The following SH3GL3 variants were observed in gnomAD, a reference collection of about 807,000 sequenced individuals.
The protein encoded by SH3GL3 is endophilin-A3.
SH3GL3 carries 33 observed loss-of-function variants against 47.7 expected under a neutral mutation model. That is an observed-to-expected ratio of 0.69 (90% CI 0.52 to 0.92). The LOEUF (loss-of-function observed/expected upper bound fraction) is 0.92, where lower values mean the gene tolerates loss of function less well. Ranked by LOEUF, SH3GL3 falls within the 40% of genes least tolerant of loss-of-function variation. The pLI, the probability that SH3GL3 is intolerant of heterozygous loss-of-function variation, is 0.00. For missense variants in SH3GL3, 363 were observed against 417.8 expected (o/e 0.87, Z 1.14); for synonymous variants, 155 against 148.8 (o/e 1.04, Z -0.30).
intron 1 of SH3GL3, among the ~76,000 whole-genome samples, chr15:83,524,562 A>G (rs1201158487): frequency 1.3e-5 from 2 of 152,080 alleles, no homozygotes; most frequent in Non-Finnish European, 2.9e-5. Context: ...CATACAATAC[A>G]TTGTTGTTAA....
chr15:83,457,630 GAA>G (rs1435570154), intron 1 of SH3GL3, among the ~76,000 whole-genome samples: 4 of 152,174 alleles, frequency 2.6e-5, no homozygotes, highest in Admixed American at 6.5e-5. Context: ...TCATTAGAGA[GAA>G]AGATAAAATG....
Position 83,609,330 on chromosome 15 carries a change from T to C in SH3GL3, c.839-8752T>C, listed in dbSNP as rs186284290. On this transcript the variant is annotated intron_variant, in intron 8 of 8. Coordinates refer to ENST00000427482, the MANE Select transcript of SH3GL3 (RefSeq NM_003027.5). ...CCAAGGGACTGCTTCGGGAAGGCCA[T>C]TGACAGCAGGAAAAAGTGACAGGTC... is the stretch of plus-strand genomic sequence containing the variant. 1.6e-3 allele frequency: 715 copies of C among 455,916 alleles called. 3 individuals are homozygous for C. The highest frequency in any genetic ancestry group is 0.012 in the African/African-American group (620 of 50,130). The allele number at this position is 455,916 out of a possible 1,614,324, so 28.2% of individuals were successfully genotyped here. A position where few individuals can be genotyped will look rare whatever the true frequency, so the allele number is the denominator to read the frequency against.
intron 1 of SH3GL3, among the ~76,000 whole-genome samples, chr15:83,481,268 C>A (rs1487055365): frequency 9.7e-6 from 1 of 103,066 alleles, no homozygotes; most frequent in African/African-American, 4.1e-5. Context: ...GAGAGACATT[C>A]TGTCTCAAAA....
intron 1 of SH3GL3, among the ~76,000 whole-genome samples, chr15:83,500,357 GTGTGTGTTTTGTTGC>G (rs1165701767): frequency 1.3e-5 from 2 of 152,186 alleles, no homozygotes; most frequent in African/African-American, 2.4e-5. Context: ...GCATTTTTAG[GTGTGTGTTTTGTTGC>G]TGCCTCCTTT....
chr15:83,533,683 T>A (rs904024245), intron 1 of SH3GL3, among the ~76,000 whole-genome samples: 3 of 152,086 alleles, frequency 2.0e-5, no homozygotes, highest in Non-Finnish European at 4.4e-5. Flanking sequence ...TGTGCTCCCT[T>A]TGAGTCTCTT....
At chr15:83,568,762 G>A in intron 4 of SH3GL3, 90 bp downstream of exon 4, 1 of 929,834 alleles carries the variant, frequency 1.1e-6, no homozygotes, top group South Asian at 1.8e-5. Flanking sequence ...AACAACCTTT[G>A]TTATTTTTCC....
At chr15:83,528,231 T>C (rs1444393490) in intron 1 of SH3GL3, among the ~76,000 whole-genome samples, 1 of 152,204 alleles carries the variant, frequency 6.6e-6, no homozygotes, top group Non-Finnish European at 1.5e-5. Flanking sequence ...TTTTTAGAAA[T>C]CTCTGTCTAT....
At chr15:83,467,867 A>AC (rs1385017322) in intron 1 of SH3GL3, among the ~76,000 whole-genome samples, 1 of 151,960 alleles carries the variant, frequency 6.6e-6, no homozygotes, top group East Asian at 1.9e-4. Context: ...TCTCTCTGTC[A>AC]CCCAGGCTAG....
At chr15:83,535,755 A>C (rs1403347730) in intron 1 of SH3GL3, among the ~76,000 whole-genome samples, 1 of 152,234 alleles carries the variant, frequency 6.6e-6, no homozygotes, top group Non-Finnish European at 1.5e-5. Flanking sequence ...GTCAGAATCA[A>C]ACTTTTTAAA....
intron 1 of SH3GL3, among the ~76,000 whole-genome samples, chr15:83,531,235 AG>A (rs1415062513): frequency 6.6e-6 from 1 of 152,230 alleles, no homozygotes; most frequent in African/African-American, 2.4e-5. Context: ...CCCTGTCCCC[AG>A]GCATCTCATA....
At chr15:83,578,927 G>C (rs1217173485) in intron 6 of SH3GL3, among the ~76,000 whole-genome samples, 1 of 152,118 alleles carries the variant, frequency 6.6e-6, no homozygotes, top group Non-Finnish European at 1.5e-5. Flanking sequence ...ATTGTGTCTT[G>C]TGTGTCAGAT....
chr15:83,598,792 G>T (rs779646446), intron 8 of SH3GL3, among the ~76,000 whole-genome samples: 1 of 152,204 alleles, frequency 6.6e-6, no homozygotes, highest in Non-Finnish European at 1.5e-5. Context: ...AGAGGCCTCC[G>T]GTTAAAAGTC....
chr15:83,508,135 T>C (rs1952265716), intron 1 of SH3GL3, among the ~76,000 whole-genome samples: 1 of 151,748 alleles, frequency 6.6e-6, no homozygotes, highest in Non-Finnish European at 1.5e-5. Context: ...AGAGACGGGG[T>C]TTCACCATGT....
At chr15:83,526,795 A>G (rs2043438688) in intron 1 of SH3GL3, among the ~76,000 whole-genome samples, 1 of 152,170 alleles carries the variant, frequency 6.6e-6, no homozygotes, top group Non-Finnish European at 1.5e-5. Flanking sequence ...AAACCTGCAC[A>G]TGTACCCCTG....
intron 1 of SH3GL3, among the ~76,000 whole-genome samples, chr15:83,531,048 C>A (rs77552769): frequency 0.032 from 4,849 of 152,222 alleles, 97 homozygotes; most frequent in Non-Finnish European, 0.045. Flanking sequence ...AGAAAAGTGT[C>A]AGTACTAGAA....
intron 1 of SH3GL3, among the ~76,000 whole-genome samples, chr15:83,533,596 A>G (rs1491577): frequency 0.84 from 127,178 of 152,154 alleles, 53,322 homozygotes; most frequent in South Asian, 0.9. Context: ...CACAAGTTGA[A>G]TGCTGACTTG....
intron 1 of SH3GL3, among the ~76,000 whole-genome samples, chr15:83,508,723 A>AG (rs1489141296): frequency 1.3e-5 from 2 of 152,138 alleles, no homozygotes; most frequent in Non-Finnish European, 2.9e-5. Flanking sequence ...GATTACAGGC[A>AG]GGTGCCACCA....
At chr15:83,576,880 T>A in intron 6 of SH3GL3, 139 bp downstream of exon 6, 1 of 374,160 alleles carries the variant, frequency 2.7e-6, no homozygotes, top group Non-Finnish European at 5.0e-6. Flanking sequence ...TAAAATACAC[T>A]AATACTAATA....
the SH3GL3 span, among the ~76,000 whole-genome samples, chr15:83,632,731 A>C: frequency 2.0e-5 from 3 of 152,298 alleles, no homozygotes; most frequent in African/African-American, 4.8e-5. Flanking sequence ...CCATGATTCA[A>C]TTACCTCCCA....
Sources: gnomAD v4.1 joint callset for allele counts (sites outside exome capture counted in the v4.1 genomes callset) on GRCh38, gnomAD v4.1.1 for gene constraint, MANE v1.5 for transcripts, NCBI Gene and HGNC (gene_info 2026-07-23, HGNC 2026-07-21) for gene names.